The following CRYBG1 variants were observed in gnomAD, a reference collection of about 807,000 sequenced individuals.
CRYBG1 encodes the protein crystallin beta-gamma domain containing 1.
In CRYBG1, 139 loss-of-function variants were observed where a neutral mutation model predicts 189.2. That is an observed-to-expected ratio of 0.73 (90% CI 0.64 to 0.85). The LOEUF is 0.85. Ranked by LOEUF, CRYBG1 falls within the 40% of genes least tolerant of loss-of-function variation. The pLI, the probability that CRYBG1 is intolerant of heterozygous loss-of-function variation, is 0.00. For synonymous variants in CRYBG1, 1,023 were observed against 1,017.1 expected (o/e 1.01, Z -0.11); for missense variants, 2,611 against 2,675.8 (o/e 0.98, Z 0.53).
intron 3 of CRYBG1, among the ~76,000 whole-genome samples, chr6:106,518,827 T>C (rs1222667429): frequency 6.6e-6 from 1 of 151,952 alleles, no homozygotes; most frequent in Non-Finnish European, 1.5e-5. Context: ...GGGTGTGTGA[T>C]ATGTGCCTGT....
chr6:106,567,304 C>T, intron 21 of CRYBG1, among the ~76,000 whole-genome samples: 1 of 152,128 alleles, frequency 6.6e-6, no homozygotes, highest in South Asian at 2.1e-4. Flanking sequence ...CAAACTTACA[C>T]ATAAAGGCCC....
chr6:106,521,080 C>T lies in CRYBG1; in HGVS notation c.3872C>T (p.Ala1291Val), dbSNP rs751257287. The change falls in exon 4 of 22, where the codon GCC becomes GTC. Residue 1291 changes from alanine to valine, a missense_variant. By Grantham distance (64) the Ala-to-Val change is moderately conservative. Around this residue, in one of 3 missense-constraint regions of CRYBG1, gnomAD observed 1,622 missense variants for 1,735.0 expected, o/e 0.93. Transcript: ENST00000633556. The stretch of plus-strand genomic sequence containing the variant: ...GTGTCACAGCCCACGACTGAGGGTG[C>T]CCCGCCCTGTGGTTTGAACAAAGAA... ...SSVSQPTTEG[A>V]PPCGLNKEQS... 1.2e-6 allele frequency: 2 copies of T among 1,614,160 alleles called. No homozygotes were observed. Among genetic ancestry groups the T allele is most frequent in the Non-Finnish European group, 1.7e-6 (2 of 1,180,022 alleles).
chr6:106,563,064 G>A (rs543632033), intron 20 of CRYBG1, among the ~76,000 whole-genome samples: 1 of 152,106 alleles, frequency 6.6e-6, no homozygotes, highest in Admixed American at 6.5e-5. Flanking sequence ...CAAAGAGTTG[G>A]GATTACAGTT....
Position 106,520,081 on chromosome 6 carries a change from G to T in CRYBG1, c.2873G>T (p.Arg958Met). 6.2e-7 allele frequency: 1 copy of T among 1,614,158 alleles called. No individual in the cohort carries two copies. Among genetic ancestry groups the T allele is most frequent in the Non-Finnish European group, 8.5e-7 (1 of 1,180,026 alleles). The change falls in exon 4 of 22, where the codon AGG becomes ATG. Residue 958 changes from arginine to methionine, a missense_variant. Around this residue, in one of 3 missense-constraint regions of CRYBG1, gnomAD observed 1,622 missense variants for 1,735.0 expected, o/e 0.93. Transcript: ENST00000633556. ...ECPSRVLVQV[R>M]SFVLPVESTQ... is the part of the protein sequence containing the mutation. ...CCATCCAGAGTCCTCGTCCAGGTCA[G>T]GTCCTTCGTGCTCCCCGTGGAGAGC...
intron 1 of CRYBG1, among the ~76,000 whole-genome samples, chr6:106,386,344 AAGTGCGT>A (rs1244087219): frequency 6.6e-6 from 1 of 152,180 alleles, no homozygotes; most frequent in African/African-American, 2.4e-5. Flanking sequence ...TGACTGAGAC[AAGTGCGT>A]AGTGCAGGAA....
intron 1 of CRYBG1, among the ~76,000 whole-genome samples, chr6:106,432,113 T>C (rs2114405285): frequency 6.6e-6 from 1 of 152,330 alleles, no homozygotes; most frequent in East Asian, 1.9e-4. Context: ...CTCTTGTCTG[T>C]TGAAGCTCTT....
rs368545146 is a variant in CRYBG1, at chr6:106,360,769, C to T, written c.-140C>T. On this transcript the variant is annotated 5_prime_UTR_variant, in exon 1 of 22. Transcript: ENST00000633556. Reference sequence around the variant, plus strand: ...GGTTCTGCAACCCGCGGCCGTCCCCCCGCATCCGCGACGAGGGGGCGGGGT... The same window carrying T: ...GGTTCTGCAACCCGCGGCCGTCCCCTCGCATCCGCGACGAGGGGGCGGGGT... The T allele has an allele frequency of 6.8e-6, 7 of 1,025,188 alleles. No individual in the cohort carries two copies. The highest frequency in any genetic ancestry group is 9.4e-6 in the Non-Finnish European group (7 of 742,216). The allele number at this position is 1,025,188 out of a possible 1,614,324, so 63.5% of individuals were successfully genotyped here. A position where few individuals can be genotyped will look rare whatever the true frequency, so the allele number is the denominator to read the frequency against.
Position 106,413,773 on chromosome 6 carries a change from G to T in CRYBG1, c.174-37921G>T, listed in dbSNP as rs1250373031. 5.3e-5 allele frequency among the ~76,000 whole-genome samples: 8 copies of T among 151,988 alleles called. No individual in the cohort carries two copies. In the East Asian group the frequency reaches 1.5e-3, roughly 29 times the overall value. On this transcript the variant is annotated intron_variant, in intron 1 of 21. Transcript: ENST00000633556. ...TTGAAGGATTTAACTACCAAAATTT[G>T]GATTTGCTCCATCACAAAAGCCTCG...
intron 17 of CRYBG1, among the ~76,000 whole-genome samples, chr6:106,556,103 CAT>C (rs1774539325): frequency 6.6e-6 from 1 of 152,170 alleles, no homozygotes; most frequent in African/African-American, 2.4e-5. Flanking sequence ...ACTTAATCCT[CAT>C]ATGCATATCC....
intron 1 of CRYBG1, among the ~76,000 whole-genome samples, chr6:106,417,906 G>T (rs112778699): frequency 6.6e-6 from 1 of 152,216 alleles, no homozygotes; most frequent in African/African-American, 2.4e-5. Flanking sequence ...TAGTTCCCCC[G>T]TCCACAGCTC....
chr6:106,536,428 C>T (rs142208913), intron 8 of CRYBG1, among the ~76,000 whole-genome samples: 1 of 152,190 alleles, frequency 6.6e-6, no homozygotes, highest in South Asian at 2.1e-4. Flanking sequence ...TTGTGAATAA[C>T]CTCAAAGTCA....
Position 106,453,358 on chromosome 6 carries a change from C to A in CRYBG1, c.312+1526C>A, listed in dbSNP as rs540365566. Among the ~76,000 whole-genome samples the A allele has an allele frequency of 8.5e-5, 13 of 152,060 alleles. No individual in the cohort carries two copies. The South Asian group carries it at 2.3e-3, about 27-fold the overall frequency. On this transcript the variant is annotated intron_variant, in intron 2 of 21. Transcript: ENST00000633556. ...AAATAGCATAATATCAATAAGGGTA[C>A]CAGAAATATAAAACATTTTATAAGA...
chr6:106,446,606 T>C (rs1771668811), intron 1 of CRYBG1, among the ~76,000 whole-genome samples: 2 of 152,230 alleles, frequency 1.3e-5, no homozygotes, highest in Non-Finnish European at 2.9e-5. Flanking sequence ...TTGCCTTATA[T>C]TAGGCTACAC....
intron 1 of CRYBG1, among the ~76,000 whole-genome samples, chr6:106,398,242 C>T (rs910737223): frequency 2.0e-5 from 3 of 152,084 alleles, no homozygotes; most frequent in African/African-American, 7.2e-5. Context: ...CGGCCAGGTA[C>T]GTTGGCTCAC....
Position 106,571,777 on chromosome 6 carries a change from T to C in CRYBG1, c.*3211T>C. On this transcript the variant is annotated 3_prime_UTR_variant, in exon 22 of 22. Transcript: ENST00000633556. ...GCAAAGCCAGTGTGAAGGAACAGCTTGAAAAAACTTCGAATTTCTACTGAC... is the reference window on the plus strand; with the variant it reads ...GCAAAGCCAGTGTGAAGGAACAGCTCGAAAAAACTTCGAATTTCTACTGAC... 1 of 476,948 alleles carries C rather than the reference T, an allele frequency of 2.1e-6. No individual in the cohort carries two copies. The allele number at this position is 476,948 out of a possible 1,614,324, so 29.5% of individuals were successfully genotyped here. A position where few individuals can be genotyped will look rare whatever the true frequency, so the allele number is the denominator to read the frequency against.
intron 14 of CRYBG1, 87 bp from the exon 15 acceptor site, chr6:106,552,097 G>A: frequency 1.4e-6 from 2 of 1,423,836 alleles, no homozygotes; most frequent in Non-Finnish European, 2.0e-6. Context: ...ATTTTTAGCA[G>A]TAATTGCTAA....
At chr6:106,540,410 C>T (rs977482007) in intron 9 of CRYBG1, among the ~76,000 whole-genome samples, 1 of 152,110 alleles carries the variant, frequency 6.6e-6, no homozygotes, top group Non-Finnish European at 1.5e-5. Context: ...TAATTTTACC[C>T]ATCCTTCCAA....
chr6:106,487,776 A>G (rs923931349), intron 2 of CRYBG1, among the ~76,000 whole-genome samples: 1 of 152,124 alleles, frequency 6.6e-6, no homozygotes, highest in Admixed American at 6.5e-5. Context: ...TAAGATCATC[A>G]TTTTGAATTC....
chr6:106,510,449 G>A (rs539997404), intron 2 of CRYBG1, among the ~76,000 whole-genome samples: 6 of 152,324 alleles, frequency 3.9e-5, no homozygotes, highest in African/African-American at 1.4e-4. Context: ...GATGCTAGCC[G>A]TTTTGCTCCA....
Sources: gnomAD v4.1 joint callset for allele counts (sites outside exome capture counted in the v4.1 genomes callset) on GRCh38, gnomAD v4.1.1 for gene constraint, gnomAD v4.1.1 regional missense constraint, MANE v1.5 for transcripts, NCBI Gene and HGNC (gene_info 2026-07-23, HGNC 2026-07-21) for gene names.